The following GNG2 variants were observed in gnomAD, a reference collection of about 807,000 sequenced individuals.
GNG2 encodes the protein guanine nucleotide-binding protein G(I)/G(S)/G(O) subunit gamma-2.
GNG2 carries 5 observed loss-of-function variants against 5.5 expected under a neutral mutation model. The observed-to-expected ratio is 0.91, with a 90% CI of 0.48 to 1.92. The LOEUF is 1.92. Ranked by LOEUF, GNG2 falls within the 30% of genes most tolerant of loss-of-function variation. The pLI is 0.01. For synonymous variants in GNG2, 28 were observed against 32.0 expected (o/e 0.88, Z 0.42); for missense variants, 55 against 88.4 (o/e 0.62, Z 1.52).
At chr14:51,827,195 CG>C (rs1403147763) in intron 1 of GNG2, among the ~76,000 whole-genome samples, 1 of 152,184 alleles carries the variant, frequency 6.6e-6, no homozygotes, top group Admixed American at 6.5e-5. Context: ...GAGAAGGGCA[CG>C]GGCACAGATG....
At chr14:51,838,238 G>A (rs1399836855) in intron 2 of GNG2, among the ~76,000 whole-genome samples, 5 of 152,188 alleles carry the variant, frequency 3.3e-5, no homozygotes, top group African/African-American at 4.8e-5. Flanking sequence ...GAGGTCAGGA[G>A]TTTGAGACAA....
At chr14:51,836,318 T>G (rs1010937057) in intron 2 of GNG2, among the ~76,000 whole-genome samples, 3 of 152,078 alleles carry the variant, frequency 2.0e-5, no homozygotes, top group Non-Finnish European at 4.4e-5. Flanking sequence ...TAGCAGTAGC[T>G]AGGGTAGTAG....
intron 1 of GNG2, among the ~76,000 whole-genome samples, chr14:51,870,919 G>A (rs2140121003): frequency 6.6e-6 from 1 of 152,290 alleles, no homozygotes; most frequent in South Asian, 2.1e-4. Flanking sequence ...AACAGACTAA[G>A]CATTAATGGT....
Position 51,950,510 on chromosome 14 carries a change from T to C in GNG2, c.-29-140T>C, listed in dbSNP as rs1888909025. On this transcript the variant is annotated intron_variant, in intron 2 of 3. Coordinates refer to ENST00000556766, the MANE Select transcript of GNG2 (RefSeq NM_053064.5). ...TGCTCTGCCTGCCAGTCAGAGGTAA[T>C]ACCGACCAAGGATGGAGAGGGCTGG... 3 of 577,622 alleles carry C rather than the reference T, an allele frequency of 5.2e-6. No individual in the cohort carries two copies. In the Admixed American group the frequency reaches 1.1e-4, roughly 22 times the overall value. 35.8% of individuals were successfully genotyped at this position (577,622 alleles called of 1,614,324 possible). A position where few individuals can be genotyped will look rare whatever the true frequency, so the allele number is the denominator to read the frequency against.
At chr14:51,958,562 G>A (rs561264110) in intron 3 of GNG2, among the ~76,000 whole-genome samples, 2 of 150,750 alleles carry the variant, frequency 1.3e-5, no homozygotes, top group African/African-American at 4.9e-5. Context: ...TCTACTTTCC[G>A]TATTTGTAAC....
intron 2 of GNG2, among the ~76,000 whole-genome samples, chr14:51,914,512 A>G (rs1448971085): frequency 1.3e-5 from 2 of 152,224 alleles, no homozygotes; most frequent in Non-Finnish European, 2.9e-5. Context: ...ATTACCTAAT[A>G]GTAATGAGGT....
At chr14:51,918,520 T>C (rs1886794786) in intron 2 of GNG2, 1 of 152,244 alleles carries the variant, frequency 6.6e-6, no homozygotes, top group African/African-American at 2.4e-5. Context: ...TGTACATCTA[T>C]GGTGTGACCT....
intron 2 of GNG2, among the ~76,000 whole-genome samples, chr14:51,910,099 G>A (rs1172295917): frequency 6.6e-6 from 1 of 152,200 alleles, no homozygotes; most frequent in African/African-American, 2.4e-5. Flanking sequence ...CCAACATGGA[G>A]GTTCCTGTCT....
rs1413967352 is a variant in GNG2, at chr14:51,969,418, CTAA to C, written c.*2737_*2739del. 6.6e-6 allele frequency: 1 copy of C among 152,130 alleles called. No homozygotes were observed. The allele number at this position is 152,130 out of a possible 1,614,324, so 9.4% of individuals were successfully genotyped here. A position where few individuals can be genotyped will look rare whatever the true frequency, so the allele number is the denominator to read the frequency against. On this transcript the variant is annotated 3_prime_UTR_variant, in exon 4 of 4. Transcript: ENST00000556766. ...ATACTTTGATCTATGTTTGATTTTG[CTAA>C]TAATATTTGAAGGAGATTGCCTACC...
chr14:51,909,356 G>T (rs1395565834), intron 2 of GNG2, among the ~76,000 whole-genome samples: 2 of 152,132 alleles, frequency 1.3e-5, no homozygotes, highest in Non-Finnish European at 2.9e-5. Flanking sequence ...AAGTGAAAGG[G>T]TATAACATTA....
Position 51,943,683 on chromosome 14 carries a change from T to C in GNG2, c.-29-6967T>C, listed in dbSNP as rs1042971201. Reference sequence around the variant, plus strand: ...ACAATGAATAATCTGAAAAGGAAATTAAGAAAAAATTCCATTAACAGTAGC... The same window carrying C: ...ACAATGAATAATCTGAAAAGGAAATCAAGAAAAAATTCCATTAACAGTAGC... On this transcript the variant is annotated intron_variant, in intron 2 of 3. Coordinates refer to ENST00000556766, the MANE Select transcript of GNG2 (RefSeq NM_053064.5). Among the ~76,000 whole-genome samples the C allele has an allele frequency of 2.6e-5, 4 of 152,246 alleles. No homozygotes were observed. In the South Asian group the frequency reaches 8.3e-4, roughly 32 times the overall value.
At chr14:51,903,102 GT>G (rs1885671007) in intron 2 of GNG2, among the ~76,000 whole-genome samples, 1 of 151,990 alleles carries the variant, frequency 6.6e-6, no homozygotes, top group Non-Finnish European at 1.5e-5. Context: ...CTTTAAAATT[GT>G]TTACAGTAGA....
At chr14:51,942,573 C>CTTTCTTTCTTTCTTTCTTTCTTTCTT (rs1477280070) in intron 2 of GNG2, among the ~76,000 whole-genome samples, 514 of 44,666 alleles carry the variant, frequency 0.012, 19 homozygotes, top group African/African-American at 0.033. Flanking sequence ...TATTTTTTCT[C>CTTTCTTTCTTTCTTTCTTTCTTTCTT]TTTCTTTCTT....
At chr14:51,951,041 A>G (rs1393642241) in intron 3 of GNG2, among the ~76,000 whole-genome samples, 1 of 152,166 alleles carries the variant, frequency 6.6e-6, no homozygotes, top group East Asian at 1.9e-4. Flanking sequence ...AAATTAGAGA[A>G]CACATAAAAT....
chr14:51,949,772 G>A (rs557772643), intron 2 of GNG2, among the ~76,000 whole-genome samples: 48 of 152,196 alleles, frequency 3.2e-4, no homozygotes, highest in Admixed American at 1.3e-4. Flanking sequence ...CATCAGCAAC[G>A]GGAATAAAAT....
At chr14:51,884,528 G>C (rs1184545159) in intron 2 of GNG2, among the ~76,000 whole-genome samples, 8 of 152,192 alleles carry the variant, frequency 5.3e-5, no homozygotes, top group Admixed American at 4.6e-4. Flanking sequence ...ACAGAATCAA[G>C]TCTTTTCCAA....
At chr14:51,943,471 A>G (rs1888463882) in intron 2 of GNG2, among the ~76,000 whole-genome samples, 1 of 152,220 alleles carries the variant, frequency 6.6e-6, no homozygotes, top group Non-Finnish European at 1.5e-5. Context: ...CCCTGTTGAA[A>G]CTGCCTAAGC....
At chr14:51,953,131 C>T (rs890252569) in intron 3 of GNG2, among the ~76,000 whole-genome samples, 3 of 152,182 alleles carry the variant, frequency 2.0e-5, no homozygotes, top group African/African-American at 7.2e-5. Context: ...ACTGCATTGA[C>T]TCATTAAAGA....
intron 1 of GNG2, among the ~76,000 whole-genome samples, chr14:51,865,742 G>A (rs1882833729): frequency 6.6e-6 from 1 of 152,084 alleles, no homozygotes; most frequent in African/African-American, 2.4e-5. Context: ...TTTACATTTA[G>A]TACCCTATGT....
Sources: allele counts gnomAD v4.1 joint callset (sites outside exome capture counted in the v4.1 genomes callset), GRCh38; gene constraint gnomAD v4.1.1; transcripts MANE v1.5; gene names NCBI Gene and HGNC (gene_info 2026-07-23, HGNC 2026-07-21).